The following SLC6A9 variants were observed in gnomAD, a reference collection of about 807,000 sequenced individuals.
SLC6A9 encodes the protein sodium- and chloride-dependent glycine transporter 1.
Under a neutral mutation model 70.9 loss-of-function variants are expected in SLC6A9, and 31 were observed. The ratio of observed to expected loss-of-function variants is 0.44; its 90% CI spans 0.33 to 0.59. The LOEUF (loss-of-function observed/expected upper bound fraction) is 0.59. Among genes scored for constraint, SLC6A9 ranks in the 20% least tolerant of loss-of-function variants. The probability of loss-of-function intolerance (pLI) is 0.04; values close to 1 mark genes in which losing one functional copy is unlikely to be tolerated. For synonymous variants in SLC6A9, 310 were observed against 341.3 expected (o/e 0.91, Z 1.01); for missense variants, 631 against 845.2 (o/e 0.75, Z 3.14).
intron 5 of SLC6A9, among the ~76,000 whole-genome samples, chr1:44,004,459 C>T (rs1012973891): frequency 2.2e-4 from 33 of 152,238 alleles, no homozygotes; most frequent in African/African-American, 6.8e-4. Context: ...GATCCTCCCA[C>T]CTCAGCCTCC....
chr1:44,022,853 G>A (rs532742460), intron 2 of SLC6A9, among the ~76,000 whole-genome samples: 10 of 151,324 alleles, frequency 6.6e-5, no homozygotes, highest in East Asian at 2.0e-4. Flanking sequence ...TTACAGGTGC[G>A]CACCACCACA....
chr1:44,025,626 C>G (rs1003163241), intron 1 of SLC6A9, among the ~76,000 whole-genome samples: 7 of 152,002 alleles, frequency 4.6e-5, no homozygotes, highest in Non-Finnish European at 1.0e-4. Context: ...ATGGTGAAAC[C>G]CTGTCTCTAC....
At chr1:44,022,722 C>CTTTTTTTTTTTTTTT (rs71307650) in intron 2 of SLC6A9, among the ~76,000 whole-genome samples, 9 of 118,950 alleles carry the variant, frequency 7.6e-5, no homozygotes, top group Non-Finnish European at 9.9e-5. Flanking sequence ...TTCTTTCTTT[C>CTTTTTTTTTTTTTTT]TTTTTTTTTT....
chr1:44,001,847 C>G (rs1410385317), intron 8 of SLC6A9, among the ~76,000 whole-genome samples: 1 of 152,164 alleles, frequency 6.6e-6, no homozygotes, highest in African/African-American at 2.4e-5. Context: ...CCCACCTCAG[C>G]CTCCTAAGTA....
At chr1:44,010,314 GTCC>G in intron 3 of SLC6A9, 1 of 563,050 alleles carries the variant, frequency 1.8e-6, no homozygotes, top group Non-Finnish European at 3.2e-6. Flanking sequence ...TGGAATCCAG[GTCC>G]CAGAGCCTCC....
At position 43,996,528 on chromosome 1, in the gene SLC6A9, A is replaced by C; in HGVS notation, c.*1017T>G. On this transcript the variant is annotated 3_prime_UTR_variant, in exon 14 of 14. Transcript: ENST00000372310. The stretch of plus-strand genomic sequence containing the variant: ...TTCATTAAAATCTATGGACTTTAAA[A>C]TCCTAGTGGTGCACAATGGGCAGGG... 1 of 235,640 alleles carries C rather than the reference A, an allele frequency of 4.2e-6. No individual in the cohort carries two copies. The allele number at this position is 235,640 out of a possible 1,614,324, so 14.6% of individuals were successfully genotyped here.
chr1:44,027,378 T>C (rs2087000850), intron 1 of SLC6A9, among the ~76,000 whole-genome samples: 1 of 152,190 alleles, frequency 6.6e-6, no homozygotes, highest in Non-Finnish European at 1.5e-5. Flanking sequence ...GTTCTGAAGT[T>C]TCTGCCTAAT....
At chr1:44,026,775 C>T (rs770169484) in intron 1 of SLC6A9, among the ~76,000 whole-genome samples, 10 of 152,236 alleles carry the variant, frequency 6.6e-5, no homozygotes, top group Non-Finnish European at 1.3e-4. Context: ...AGAGGGCCCT[C>T]ACCCAGGTTA....
At chr1:44,021,942 A>G (rs762362127) in intron 2 of SLC6A9, among the ~76,000 whole-genome samples, 1 of 152,252 alleles carries the variant, frequency 6.6e-6, no homozygotes, top group Non-Finnish European at 1.5e-5. Context: ...AGAACTGAAA[A>G]GGAAGCAGGA....
chr1:44,007,648 C>T (rs936930065), intron 5 of SLC6A9, among the ~76,000 whole-genome samples: 1 of 152,222 alleles, frequency 6.6e-6, no homozygotes, highest in Non-Finnish European at 1.5e-5. Flanking sequence ...TCCTAGGCCA[C>T]CTGAAGCCCA....
intron 12 of SLC6A9, among the ~76,000 whole-genome samples, chr1:43,998,986 G>GC (rs1553160182): frequency 1.3e-5 from 2 of 151,378 alleles, no homozygotes; most frequent in Admixed American, 1.3e-4. Context: ...GGGGGAAGGG[G>GC]GGGGGCAGTC....
At position 44,008,555 on chromosome 1, in the gene SLC6A9, C is replaced by T. The variant is rs2086410228; in HGVS notation, c.388G>A (p.Ala130Thr). The T allele has an allele frequency of 4.3e-6, 7 of 1,614,008 alleles. No homozygotes were observed. The highest frequency in any genetic ancestry group is 1.6e-4 in the Middle Eastern group (1 of 6,062). ...ATGGACGAGAAGAAGTAGTAGAAGG[C>T]GATGCAGATGACCACATTGTAGTAG... ...GIYYNVVICI[A>T]FYYFFSSMTH... The change falls in exon 5 of 14, where the codon GCC becomes ACC. Residue 130 changes from alanine to threonine, a missense_variant. Physicochemically the swap from Ala to Thr is moderately conservative, Grantham distance 58. Coordinates refer to ENST00000372310, the MANE Select transcript of SLC6A9 (RefSeq NM_001024845.3).
chr1:44,005,629 C>G (rs2086281039), intron 5 of SLC6A9, among the ~76,000 whole-genome samples: 1 of 152,242 alleles, frequency 6.6e-6, no homozygotes, highest in African/African-American at 2.4e-5. Context: ...GCAACACACA[C>G]AGATTCTGAT....
chr1:44,029,616 A>C (rs1045300010), intron 1 of SLC6A9, among the ~76,000 whole-genome samples: 2 of 151,868 alleles, frequency 1.3e-5, no homozygotes, highest in African/African-American at 4.8e-5. Flanking sequence ...CTGTACCCCC[A>C]CGCTTGCCAC....
At chr1:44,015,779 C>T in intron 2 of SLC6A9, 2 of 844,648 alleles carry the variant, frequency 2.4e-6, no homozygotes, top group Non-Finnish European at 2.9e-6. Context: ...GGCAGAGAGA[C>T]CCAGCTGCAG....
intron 5 of SLC6A9, among the ~76,000 whole-genome samples, chr1:44,007,527 G>C (rs1390396001): frequency 6.6e-6 from 1 of 152,200 alleles, no homozygotes; most frequent in Non-Finnish European, 1.5e-5. Flanking sequence ...AATGTGCCAG[G>C]ATGTCTTGAT....
At chr1:44,007,022 T>C (rs1217532616) in intron 5 of SLC6A9, among the ~76,000 whole-genome samples, 6 of 152,218 alleles carry the variant, frequency 3.9e-5, no homozygotes, top group Non-Finnish European at 2.9e-5. Context: ...TGATGCCTGC[T>C]GGCCTCTTCT....
chr1:44,019,130 A>C (rs1178084965), intron 2 of SLC6A9, among the ~76,000 whole-genome samples: 1 of 152,178 alleles, frequency 6.6e-6, no homozygotes, highest in Admixed American at 6.5e-5. Context: ...AGTGAGCATT[A>C]GTAATAATGG....
rs1244212280 is a variant in SLC6A9, at chr1:44,010,035, C to T, written c.249G>A (p.Met83Ile). 1.1e-5 allele frequency: 18 copies of T among 1,614,004 alleles called. No individual in the cohort carries two copies. Among genetic ancestry groups the T allele is most frequent in the Non-Finnish European group, 1.4e-5 (17 of 1,180,000 alleles). ...LIFCGIPLFFMELSFGQFASQ... is the reference protein window; with the variant it reads ...LIFCGIPLFFIELSFGQFASQ... ...TTGCAAACTGGCCGAAGGAGAGCTC[C>T]ATGAAGAAGAGGGGGATCCCGCAGA... The change falls in exon 4 of 14, where the codon ATG becomes ATA. Residue 83 changes from methionine (M) to isoleucine (I), a missense_variant. Coordinates refer to ENST00000372310, the MANE Select transcript of SLC6A9 (RefSeq NM_001024845.3).
Sources: allele counts gnomAD v4.1 joint callset (sites outside exome capture counted in the v4.1 genomes callset), GRCh38; gene constraint gnomAD v4.1.1; transcripts MANE v1.5; gene names NCBI Gene and HGNC (gene_info 2026-07-23, HGNC 2026-07-21).